Variants in FOXP2 observed in about 807,000 individuals in gnomAD.
FOXP2 encodes the protein forkhead box protein P2.
Under a neutral mutation model 115.8 loss-of-function variants are expected in FOXP2, and 12 were observed. The observed-to-expected ratio is 0.10, with a 90% CI of 0.07 to 0.17. FOXP2 has a LOEUF of 0.17. Ranked by LOEUF, FOXP2 falls within the 10% of genes least tolerant of loss-of-function variation. FOXP2 has a pLI of 1.00. For synonymous variants in FOXP2, 328 were observed against 297.7 expected (o/e 1.10, Z -1.05); for missense variants, 629 against 843.5 (o/e 0.75, Z 3.15).
intron 2 of FOXP2, among the ~76,000 whole-genome samples, chr7:114,387,722 C>T (rs1475934315): frequency 6.6e-6 from 1 of 152,208 alleles, no homozygotes; most frequent in African/African-American, 2.4e-5. Flanking sequence ...TAAAAAAATT[C>T]TTATAAATTA....
At chr7:114,422,499 T>C (rs1218238997) in intron 1 of FOXP2, among the ~76,000 whole-genome samples, 1 of 151,698 alleles carries the variant, frequency 6.6e-6, no homozygotes, top group Admixed American at 6.6e-5. Flanking sequence ...CTGACATACA[T>C]AGACAGATTG....
At chr7:114,474,984 A>G (rs1007865332) in intron 2 of FOXP2, among the ~76,000 whole-genome samples, 1 of 152,016 alleles carries the variant, frequency 6.6e-6, no homozygotes, top group Non-Finnish European at 1.5e-5. Context: ...TGAAAGTAAA[A>G]GATGTAGTAA....
At chr7:114,602,647 T>A (rs1418491923) in intron 3 of FOXP2, among the ~76,000 whole-genome samples, 1 of 152,092 alleles carries the variant, frequency 6.6e-6, no homozygotes, top group African/African-American at 2.4e-5. Context: ...ATCCTGTCAA[T>A]CAGGTTGCTA....
chr7:114,654,721 A>C (rs115301889), intron 10 of FOXP2, among the ~76,000 whole-genome samples: 1 of 152,164 alleles, frequency 6.6e-6, no homozygotes, highest in Non-Finnish European at 1.5e-5. Context: ...AGAAACTTAG[A>C]GTAATCAACT....
intron 2 of FOXP2, among the ~76,000 whole-genome samples, chr7:114,519,457 A>G (rs144041687): frequency 2.0e-5 from 3 of 152,268 alleles, no homozygotes; most frequent in African/African-American, 7.2e-5. Context: ...GCATCCTCCT[A>G]TAACAACAGA....
At chr7:114,681,721 A>T (rs966848082) in intron 16 of FOXP2, among the ~76,000 whole-genome samples, 1 of 152,174 alleles carries the variant, frequency 6.6e-6, no homozygotes, top group African/African-American at 2.4e-5. Flanking sequence ...TTTTGAAATA[A>T]CTATAGCAAT....
chr7:114,114,278 C>CAT (rs1375887912), intron 1 of FOXP2, among the ~76,000 whole-genome samples: 30 of 150,376 alleles, frequency 2.0e-4, no homozygotes, highest in Middle Eastern at 3.5e-3. Context: ...CACACACACA[C>CAT]ATATATATAA....
intron 3 of FOXP2, among the ~76,000 whole-genome samples, chr7:114,583,125 C>G (rs1223045741): frequency 6.6e-6 from 1 of 152,120 alleles, no homozygotes; most frequent in Non-Finnish European, 1.5e-5. Context: ...CACCTGTAAT[C>G]CCAGCACTTT....
intron 2 of FOXP2, among the ~76,000 whole-genome samples, chr7:114,374,034 G>A (rs1044085875): frequency 4.6e-5 from 7 of 152,006 alleles, no homozygotes; most frequent in Admixed American, 2.0e-4. Context: ...TTAGATTTAG[G>A]CAACGATTAT....
chr7:114,157,975 A>G (rs549976714), intron 1 of FOXP2, among the ~76,000 whole-genome samples: 46 of 152,238 alleles, frequency 3.0e-4, no homozygotes, highest in Non-Finnish European at 5.7e-4. Context: ...TTAAGAAACA[A>G]TATTTAAGAA....
rs1293860856 is a variant in FOXP2 at position 114,658,411 on chromosome 7, C to T, written c.1468+144C>T. 1.4e-5 allele frequency: 12 copies of T among 848,488 alleles called. No homozygotes were observed. The East Asian group carries it at 2.4e-4, about 17-fold the overall frequency. 52.6% of individuals were successfully genotyped at this position (848,488 alleles called of 1,614,324 possible). A position where few individuals can be genotyped will look rare whatever the true frequency, so the allele number is the denominator to read the frequency against. ...ATAATTGTTTTATTCCTGGTAAATG[C>T]GAATAGGGGCGATTCCCTAAGCACA... On this transcript the variant is annotated intron_variant, in intron 11 of 16. Coordinates refer to ENST00000350908, the MANE Select transcript of FOXP2 (RefSeq NM_014491.4).
chr7:114,357,831 C>T (rs1171006286), intron 2 of FOXP2, among the ~76,000 whole-genome samples: 1 of 152,072 alleles, frequency 6.6e-6, no homozygotes, highest in African/African-American at 2.4e-5. Context: ...TTAACCTTAA[C>T]TTCATTAGTC....
At chr7:114,605,387 A>G (rs1417956555) in intron 3 of FOXP2, among the ~76,000 whole-genome samples, 1 of 152,214 alleles carries the variant, frequency 6.6e-6, no homozygotes, top group East Asian at 1.9e-4. Flanking sequence ...ACCTCAAGGA[A>G]TATTTTTTGA....
rs758568209 is a variant in FOXP2, at chr7:114,469,225, GTATA to G, written c.168+42555_168+42558del. On this transcript the variant is annotated intron_variant, in intron 2 of 16. Transcript: ENST00000350908. ...ATGTGAGTGTATGTGTACATATATA[GTATA>G]TATATATAGTATCTGTCAAGTTTTC... Among the ~76,000 whole-genome samples, 4 of 151,616 alleles carry G rather than the reference GTATA, an allele frequency of 2.6e-5. No homozygotes were observed. The East Asian group carries it at 7.7e-4, about 29-fold the overall frequency.
intron 6 of FOXP2, among the ~76,000 whole-genome samples, chr7:114,640,643 G>A (rs993262934): frequency 2.0e-5 from 3 of 152,096 alleles, no homozygotes; most frequent in African/African-American, 7.2e-5. Flanking sequence ...ATCATATTCT[G>A]TTATCTTGCC....
chr7:114,205,964 A>G (rs749185906), intron 1 of FOXP2, among the ~76,000 whole-genome samples: 29 of 152,308 alleles, frequency 1.9e-4, no homozygotes, highest in Non-Finnish European at 4.0e-4. Context: ...GCTTGGTGGC[A>G]TGCATATGTC....
chr7:114,630,029 T>C, intron 5 of FOXP2, 24 bp downstream of exon 5: 1 of 1,603,900 alleles, frequency 6.2e-7, no homozygotes, highest in Non-Finnish European at 8.5e-7. Context: ...ATCTCATTGA[T>C]ACATAACAGT....
rs375664583 is a variant in FOXP2 at position 114,426,497 on chromosome 7, T to G, written c.-10-5T>G. 389 of 1,609,216 alleles carry G rather than the reference T, an allele frequency of 2.4e-4. No individual in the cohort carries two copies. Among genetic ancestry groups the G allele is most frequent in the Non-Finnish European group, 3.2e-4 (378 of 1,176,656 alleles). ...TGTTAATTGATACTTCTTAATCACT[T>G]TTAGGTATTAAGTCATGATGCAGGA... On this transcript the variant is annotated splice_region_variant and splice_polypyrimidine_tract_variant and intron_variant, in intron 1 of 16. Coordinates refer to ENST00000350908, the MANE Select transcript of FOXP2 (RefSeq NM_014491.4).
chr7:114,138,501 C>T (rs1461305612), intron 1 of FOXP2, among the ~76,000 whole-genome samples: 2 of 151,432 alleles, frequency 1.3e-5, no homozygotes, highest in African/African-American at 2.4e-5. Context: ...ACATGATTCT[C>T]CTGCCTCAGC....
Sources: allele counts gnomAD v4.1 joint callset (sites outside exome capture counted in the v4.1 genomes callset), GRCh38; gene constraint gnomAD v4.1.1; transcripts MANE v1.5; gene names NCBI Gene and HGNC (gene_info 2026-07-23, HGNC 2026-07-21).